RBMS1: variants seen among roughly 807,000 people sequenced by gnomAD.
RBMS1 encodes the protein RNA binding motif single stranded interacting protein 1.
A neutral mutation model predicts 62.3 loss-of-function variants in RBMS1; 17 were observed. That is an observed-to-expected ratio of 0.27 (90% confidence interval 0.19 to 0.41). The LOEUF (loss-of-function observed/expected upper bound fraction) is 0.41. RBMS1 is among the 10% of genes least tolerant of loss of function. The probability of loss-of-function intolerance (pLI) is 1.00; values close to 1 mark genes in which losing one functional copy is unlikely to be tolerated. For synonymous variants in RBMS1, 172 were observed against 170.0 expected, an observed-to-expected ratio of 1.01 and a Z score of -0.09; for missense variants, 334 against 504.5, an observed-to-expected ratio of 0.66 and a Z score of 3.24.
At chr2:160,328,422 A>G (rs1445557450) in intron 2 of RBMS1, among the ~76,000 whole-genome samples, 3 of 149,660 alleles carry the variant, frequency 2.0e-5, no homozygotes, top group Admixed American at 6.7e-5. Flanking sequence ...TTTTTTTTTC[A>G]TATTGTAACC....
intron 4 of RBMS1, among the ~76,000 whole-genome samples, chr2:160,309,465 G>C (rs1310503412): frequency 6.6e-6 from 1 of 152,202 alleles, no homozygotes; most frequent in Non-Finnish European, 1.5e-5. Flanking sequence ...GGCCACACAG[G>C]TAGAGTTGGC....
At chr2:160,308,884 G>T (rs886119710) in intron 4 of RBMS1, among the ~76,000 whole-genome samples, 1 of 152,170 alleles carries the variant, frequency 6.6e-6, no homozygotes, top group Non-Finnish European at 1.5e-5. Flanking sequence ...CATTGTAAAG[G>T]CTTCTTCAAA....
chr2:160,424,352 A>G (rs996681148), intron 1 of RBMS1, among the ~76,000 whole-genome samples: 2 of 120,272 alleles, frequency 1.7e-5, no homozygotes, highest in African/African-American at 6.8e-5. Context: ...AATTTAAGCC[A>G]GAGGTGAGAG....
intron 6 of RBMS1, among the ~76,000 whole-genome samples, chr2:160,290,936 T>C (rs923697693): frequency 6.6e-6 from 1 of 152,192 alleles, no homozygotes; most frequent in African/African-American, 2.4e-5. Context: ...CAGGCTGACT[T>C]GCTGCCCATC....
At chr2:160,308,407 CA>C (rs1240050136) in intron 4 of RBMS1, among the ~76,000 whole-genome samples, 3 of 151,526 alleles carry the variant, frequency 2.0e-5, no homozygotes, top group Non-Finnish European at 4.4e-5. Flanking sequence ...AAAAACAAAA[CA>C]AAACAAAACA....
intron 1 of RBMS1, among the ~76,000 whole-genome samples, chr2:160,446,192 C>CTA (rs1427689057): frequency 6.6e-6 from 1 of 152,156 alleles, no homozygotes; most frequent in Non-Finnish European, 1.5e-5. Flanking sequence ...GAATATGAGA[C>CTA]TATAAGCAGA....
chr2:160,428,330 T>A (rs1177195834), intron 1 of RBMS1, among the ~76,000 whole-genome samples: 1 of 152,160 alleles, frequency 6.6e-6, no homozygotes, highest in Non-Finnish European at 1.5e-5. Flanking sequence ...AGACACAGAC[T>A]TAGTTATAAA....
intron 1 of RBMS1, among the ~76,000 whole-genome samples, chr2:160,414,121 A>C (rs1311050291): frequency 6.6e-6 from 1 of 152,196 alleles, no homozygotes; most frequent in Non-Finnish European, 1.5e-5. Flanking sequence ...CCATTTGCTC[A>C]GTTGTAAAAG....
chr2:160,389,752 C>A, intron 1 of RBMS1, among the ~76,000 whole-genome samples: 1 of 128,772 alleles, frequency 7.8e-6, no homozygotes, highest in East Asian at 2.2e-4. Context: ...CAGTAATTAA[C>A]CAACAATCAC....
chr2:160,364,637 A>G (rs1261597176), intron 2 of RBMS1, among the ~76,000 whole-genome samples: 1 of 152,216 alleles, frequency 6.6e-6, no homozygotes, highest in Non-Finnish European at 1.5e-5. Flanking sequence ...CTAACATTAC[A>G]GCATCTCTAT....
intron 6 of RBMS1, among the ~76,000 whole-genome samples, chr2:160,291,392 T>C (rs1301497522): frequency 3.3e-5 from 5 of 152,238 alleles, no homozygotes; most frequent in South Asian, 2.1e-4. Flanking sequence ...TTTCTGATAA[T>C]GTTGGCTACT....
chr2:160,332,683 C>A (rs938790149), intron 2 of RBMS1, among the ~76,000 whole-genome samples: 1 of 152,122 alleles, frequency 6.6e-6, no homozygotes, highest in Non-Finnish European at 1.5e-5. Flanking sequence ...AACATCCATG[C>A]AGGATTTTAC....
intron 1 of RBMS1, among the ~76,000 whole-genome samples, chr2:160,394,340 C>T (rs961229412): frequency 6.6e-6 from 1 of 152,120 alleles, no homozygotes; most frequent in African/African-American, 2.4e-5. Flanking sequence ...CACCTAGAAA[C>T]CACAGAGTAA....
intron 1 of RBMS1, among the ~76,000 whole-genome samples, chr2:160,428,787 T>G (rs1682762268): frequency 6.6e-6 from 1 of 152,240 alleles, no homozygotes; most frequent in South Asian, 2.1e-4. Flanking sequence ...TCTTTGGCAA[T>G]GGGGTGGGGA....
intron 1 of RBMS1, among the ~76,000 whole-genome samples, chr2:160,386,665 A>G (rs1265349019): frequency 2.6e-5 from 4 of 152,156 alleles, no homozygotes; most frequent in African/African-American, 9.7e-5. Flanking sequence ...TCTCTGCCAC[A>G]TGAAAATACA....
chr2:160,340,464 G>A (rs1225913473), intron 2 of RBMS1, among the ~76,000 whole-genome samples: 5 of 152,020 alleles, frequency 3.3e-5, no homozygotes, highest in Admixed American at 6.6e-5. Context: ...GCAGAAACAC[G>A]CTAGCATACC....
chr2:160,353,576 G>T (rs1453530679), intron 2 of RBMS1, among the ~76,000 whole-genome samples: 1 of 152,094 alleles, frequency 6.6e-6, no homozygotes, highest in Non-Finnish European at 1.5e-5. Flanking sequence ...TCTTTGGCAA[G>T]AAACTGAAGT....
chr2:160,446,823 C>T (rs1219647305), intron 1 of RBMS1, among the ~76,000 whole-genome samples: 3 of 152,204 alleles, frequency 2.0e-5, no homozygotes, highest in Non-Finnish European at 4.4e-5. Flanking sequence ...ACAAAACGTT[C>T]CACATGCTTG....
At chr2:160,316,852 AGCCT>A (rs369047610) in intron 3 of RBMS1, among the ~76,000 whole-genome samples, 29,220 of 152,162 alleles carry the variant, frequency 0.19, 3,440 homozygotes, top group Admixed American at 0.36. Context: ...GTTGGTGATC[AGCCT>A]CCTATTTTTA....
Sources: allele counts gnomAD v4.1 joint callset (sites outside exome capture counted in the v4.1 genomes callset), GRCh38; gene constraint gnomAD v4.1.1; transcripts MANE v1.5; gene names NCBI Gene and HGNC (gene_info 2026-07-23, HGNC 2026-07-21).